Variants in EPHA7 observed in about 807,000 individuals in gnomAD.
EPHA7 encodes ephrin type-A receptor 7.
In EPHA7, 25 loss-of-function variants were observed where a neutral mutation model predicts 112.6. That is an observed-to-expected ratio of 0.22 (90% confidence interval 0.16 to 0.31). EPHA7 has a LOEUF of 0.31. Ranked by LOEUF, EPHA7 falls within the 10% of genes least tolerant of loss-of-function variation. EPHA7 has a pLI of 1.00. For synonymous variants in EPHA7, 437 were observed against 406.5 expected, an observed-to-expected ratio of 1.07 and a Z score of -0.90; for missense variants, 962 against 1,212.6, an observed-to-expected ratio of 0.79 and a Z score of 3.07.
intron 5 of EPHA7, among the ~76,000 whole-genome samples, chr6:93,302,444 C>T (rs1159408661): frequency 6.6e-6 from 1 of 152,070 alleles, no homozygotes; most frequent in East Asian, 1.9e-4. Flanking sequence ...CATCATTACT[C>T]TTTTTATACT....
intron 5 of EPHA7, among the ~76,000 whole-genome samples, chr6:93,314,902 GC>G (rs1361538218): frequency 8.5e-6 from 1 of 117,168 alleles, no homozygotes; most frequent in Non-Finnish European, 1.6e-5. Flanking sequence ...TCGCTCTGTC[GC>G]CCAGGCTGGA....
intron 3 of EPHA7, among the ~76,000 whole-genome samples, chr6:93,391,235 CT>C (rs1228889677): frequency 2.0e-5 from 3 of 151,886 alleles, no homozygotes; most frequent in African/African-American, 7.2e-5. Flanking sequence ...AAAGATGGAA[CT>C]ACACCTTGGA....
intron 3 of EPHA7, among the ~76,000 whole-genome samples, chr6:93,408,320 C>T (rs1029338901): frequency 2.0e-5 from 3 of 151,950 alleles, no homozygotes; most frequent in Non-Finnish European, 4.4e-5. Flanking sequence ...CTGCTGAATC[C>T]ACCATCACTT....
At chr6:93,407,702 G>A (rs1009442292) in intron 3 of EPHA7, among the ~76,000 whole-genome samples, 1 of 151,892 alleles carries the variant, frequency 6.6e-6, no homozygotes, top group Non-Finnish European at 1.5e-5. Flanking sequence ...TTCAAAAGCA[G>A]AATTAATGAA....
intron 3 of EPHA7, among the ~76,000 whole-genome samples, chr6:93,399,877 T>C (rs928551301): frequency 1.3e-5 from 2 of 152,080 alleles, no homozygotes; most frequent in East Asian, 1.9e-4. Context: ...GTCCCATTTA[T>C]TTAAAAATAA....
chr6:93,385,844 T>C (rs351343), intron 3 of EPHA7, among the ~76,000 whole-genome samples: 5,252 of 152,216 alleles, frequency 0.035, 132 homozygotes, highest in Non-Finnish European at 0.054. Flanking sequence ...TCTGCATAAC[T>C]GGGAAGGTCT....
At chr6:93,344,146 A>G (rs1482996908) in intron 5 of EPHA7, among the ~76,000 whole-genome samples, 1 of 151,624 alleles carries the variant, frequency 6.6e-6, no homozygotes, top group African/African-American at 2.4e-5. Flanking sequence ...TCTATCTAGC[A>G]TAACACAGTC....
intron 6 of EPHA7, 47 bp downstream of exon 6, chr6:93,272,251 A>G: frequency 3.1e-6 from 5 of 1,606,106 alleles, no homozygotes; most frequent in Non-Finnish European, 4.3e-6. Context: ...GTAGGATGAC[A>G]TGAGACACAC....
chr6:93,348,908 G>C (rs1775548780), intron 5 of EPHA7, among the ~76,000 whole-genome samples: 1 of 151,650 alleles, frequency 6.6e-6, no homozygotes, highest in Non-Finnish European at 1.5e-5. Flanking sequence ...AAGCCTAAGA[G>C]GAAAGATAAA....
At position 93,418,741 on chromosome 6, in the gene EPHA7, C is replaced by T. The variant is rs1779372946; in HGVS notation, c.97+504G>A. ...TCATTAGTAACCCGAGCTTTCCGAG[C>T]TCATCGAAGTCTCGGTCCCTCTGGG... is the stretch of plus-strand genomic sequence containing the variant. On this transcript the variant is annotated intron_variant, in intron 1 of 16. Transcript: ENST00000369303. Among the ~76,000 whole-genome samples, 2 of 152,226 alleles carry T rather than the reference C, an allele frequency of 1.3e-5. 1 individual carries two copies. The highest frequency in any genetic ancestry group is 4.1e-4 in the South Asian group (2 of 4,836).
chr6:93,387,936 T>C (rs201001785), intron 3 of EPHA7, among the ~76,000 whole-genome samples: 10,371 of 140,002 alleles, frequency 0.074, 464 homozygotes, highest in Middle Eastern at 0.13. Context: ...GATAGATAGA[T>C]AGATAGATAG....
Position 93,259,253 on chromosome 6 carries a change from G to A in EPHA7, c.1924+101C>T, listed in dbSNP as rs1582403143. On this transcript the variant is annotated intron_variant, in intron 10 of 16. Coordinates refer to ENST00000369303, the MANE Select transcript of EPHA7 (RefSeq NM_004440.4). ...TCCAACAGTTCAGGTAAATGCAAAAGTTCTATACTTGAGGGATAATTATTT... is the reference window on the plus strand; with the variant it reads ...TCCAACAGTTCAGGTAAATGCAAAAATTCTATACTTGAGGGATAATTATTT... 8.9e-6 allele frequency: 13 copies of A among 1,457,416 alleles called. No individual in the cohort carries two copies. In the East Asian group the frequency reaches 2.8e-4, roughly 31 times the overall value. The allele number at this position is 1,457,416 out of a possible 1,614,324, so 90.3% of individuals were successfully genotyped here.
intron 3 of EPHA7, among the ~76,000 whole-genome samples, chr6:93,393,585 A>G (rs1778014581): frequency 6.6e-6 from 1 of 151,816 alleles, no homozygotes; most frequent in Non-Finnish European, 1.5e-5. Context: ...TTAAAACCCT[A>G]TATTGGGCTA....
chr6:93,360,388 C>T (rs1337453683), intron 3 of EPHA7, among the ~76,000 whole-genome samples: 2 of 152,052 alleles, frequency 1.3e-5, no homozygotes, highest in Non-Finnish European at 2.9e-5. Context: ...CTGTCTGAGA[C>T]ATTAAGGCCT....
chr6:93,324,216 C>T, intron 5 of EPHA7, among the ~76,000 whole-genome samples: 1 of 151,170 alleles, frequency 6.6e-6, no homozygotes, highest in East Asian at 1.9e-4. Context: ...CTTCCTTTAC[C>T]AACATATGAG....
Position 93,258,089 on chromosome 6 carries a change from C to T in EPHA7, c.2110+10G>A. 1 of 1,604,554 alleles carries T rather than the reference C, an allele frequency of 6.2e-7. No individual in the cohort carries two copies. The highest frequency in any genetic ancestry group is 8.5e-7 in the Non-Finnish European group (1 of 1,173,020). On this transcript the variant is annotated intron_variant, in intron 11 of 16. Coordinates refer to ENST00000369303, the MANE Select transcript of EPHA7 (RefSeq NM_004440.4). The stretch of plus-strand genomic sequence containing the variant: ...CTTTTTGATAAAATAAAGATATAAC[C>T]AATATCTACCTCTTGTAACAACCCC...
At chr6:93,276,218 C>G (rs772057168) in intron 5 of EPHA7, among the ~76,000 whole-genome samples, 4 of 151,910 alleles carry the variant, frequency 2.6e-5, no homozygotes, top group Non-Finnish European at 4.4e-5. Flanking sequence ...TCTAGTCATA[C>G]GAGCCCTTAA....
At chr6:93,258,493 T>C (rs1400426140) in intron 10 of EPHA7, among the ~76,000 whole-genome samples, 2 of 151,870 alleles carry the variant, frequency 1.3e-5, no homozygotes, top group Admixed American at 1.3e-4. Context: ...ACACAAAAGT[T>C]GTTTATGAAA....
In EPHA7 at chr6:93,251,960, T is replaced by C. The variant is rs189287122; in HGVS notation, c.2532+2687A>G. On this transcript the variant is annotated intron_variant, in intron 14 of 16. Coordinates refer to ENST00000369303, the MANE Select transcript of EPHA7 (RefSeq NM_004440.4). ...AAAACTTAAGAAAATAATAGACACA[T>C]AAAAATACAAATGAGTGCCCATTCA... Among the ~76,000 whole-genome samples, 16 of 152,134 alleles carry C rather than the reference T, an allele frequency of 1.1e-4. No individual in the cohort carries two copies. The East Asian group carries it at 2.9e-3, about 27-fold the overall frequency.
Sources: allele counts gnomAD v4.1 joint callset (sites outside exome capture counted in the v4.1 genomes callset), GRCh38; gene constraint gnomAD v4.1.1; transcripts MANE v1.5; gene names NCBI Gene and HGNC (gene_info 2026-07-23, HGNC 2026-07-21).